VAV2: variants seen among roughly 807,000 people sequenced by gnomAD.
The protein encoded by VAV2 is guanine nucleotide exchange factor VAV2.
VAV2 carries 67 observed loss-of-function variants against 132.5 expected under a neutral mutation model. The ratio of observed to expected loss-of-function variants is 0.51; its 90% CI spans 0.42 to 0.62. The LOEUF (loss-of-function observed/expected upper bound fraction) is 0.62, where lower values mean the gene tolerates loss of function less well. Ranked by LOEUF, VAV2 falls within the 20% of genes least tolerant of loss-of-function variation. The pLI is 0.00. For missense variants in VAV2, 938 were observed against 1,153.6 expected, an observed-to-expected ratio of 0.81 and a Z score of 2.71; for synonymous variants, 492 against 443.5, an observed-to-expected ratio of 1.11 and a Z score of -1.37.
At chr9:133,907,415 T>G (rs1193919345) in intron 2 of VAV2, among the ~76,000 whole-genome samples, 1 of 152,156 alleles carries the variant, frequency 6.6e-6, no homozygotes, top group South Asian at 2.1e-4. Flanking sequence ...TTGTCCCTCA[T>G]ACAAAAGACA....
chr9:133,876,010 C>T (rs914659434), intron 2 of VAV2, among the ~76,000 whole-genome samples: 8 of 152,242 alleles, frequency 5.3e-5, no homozygotes, highest in Admixed American at 3.9e-4. Context: ...CTCCTGCCCT[C>T]GGACATCGAC....
intron 8 of VAV2, 134 bp from the exon 9 acceptor site, chr9:133,806,315 C>A: frequency 1.4e-6 from 1 of 728,610 alleles, no homozygotes; most frequent in Middle Eastern, 3.8e-4. Flanking sequence ...GCCTGCACCC[C>A]ACATCTCTGT....
At chr9:133,971,557 G>A (rs972073359) in intron 1 of VAV2, among the ~76,000 whole-genome samples, 3 of 152,302 alleles carry the variant, frequency 2.0e-5, no homozygotes, top group East Asian at 1.9e-4. Flanking sequence ...CACTGGGGAG[G>A]TGAGTCGTGA....
intron 2 of VAV2, among the ~76,000 whole-genome samples, chr9:133,875,623 AG>A (rs1483338736): frequency 1.3e-5 from 2 of 152,248 alleles, no homozygotes; most frequent in Non-Finnish European, 2.9e-5. Context: ...TGACCCTGCC[AG>A]TCCCTTCAAA....
chr9:133,772,151 C>A, intron 25 of VAV2, 105 bp from the exon 26 acceptor site: 1 of 765,756 alleles, frequency 1.3e-6, no homozygotes, highest in Non-Finnish European at 2.0e-6. Context: ...AGCCCCTCGT[C>A]CCTGGCCCCC....
rs1251057224 is a variant in VAV2, at chr9:133,778,750, C to A, written c.1890+12G>T. ...CCGGGGACCCTCGACCCTCCCGGGC[C>A]CCAGGACCCACCTCCCACCACGGAG... On this transcript the variant is annotated intron_variant, in intron 22 of 29. Coordinates refer to ENST00000371850, the MANE Select transcript of VAV2 (RefSeq NM_001134398.2). 6.2e-7 allele frequency: 1 copy of A among 1,611,914 alleles called. No individual in the cohort carries two copies.
intron 2 of VAV2, among the ~76,000 whole-genome samples, chr9:133,921,003 G>A (rs995854005): frequency 6.6e-6 from 1 of 152,206 alleles, no homozygotes; most frequent in African/African-American, 2.4e-5. Flanking sequence ...CTCATAATTA[G>A]TCTTTGATTA....
chr9:133,806,573 C>A (rs1490894247), intron 8 of VAV2, among the ~76,000 whole-genome samples: 2 of 149,818 alleles, frequency 1.3e-5, no homozygotes, highest in Admixed American at 1.3e-4. Flanking sequence ...TCTGTCTGTG[C>A]TCCTCCATCC....
chr9:133,798,687 A>C (rs1834816140), intron 9 of VAV2, among the ~76,000 whole-genome samples: 1 of 151,944 alleles, frequency 6.6e-6, no homozygotes, highest in Non-Finnish European at 1.5e-5. Context: ...TGTTGGTGAC[A>C]ACAAGGATGA....
chr9:133,935,157 T>C lies in VAV2; in HGVS notation c.321+3946A>G, dbSNP rs1447795609. 7.2e-5 allele frequency among the ~76,000 whole-genome samples: 11 copies of C among 152,240 alleles called. No homozygotes were observed. The highest frequency in any genetic ancestry group is 3.4e-3 in the Middle Eastern group (1 of 294). On this transcript the variant is annotated intron_variant, in intron 2 of 29. Coordinates refer to ENST00000371850, the MANE Select transcript of VAV2 (RefSeq NM_001134398.2). The surrounding 1 kb of genome is among the most constrained non-coding windows in gnomAD (Gnocchi z 5.2). ...AACAGGGGGAGGGCACGCAGCCATA[T>C]CTTCATGGTCTGAGGTTGCTGGAGG...
At chr9:133,827,366 G>A (rs1206725065) in intron 4 of VAV2, among the ~76,000 whole-genome samples, 1 of 41,070 alleles carries the variant, frequency 2.4e-5, no homozygotes, top group Non-Finnish European at 3.8e-5. Context: ...ACCACCTACC[G>A]CTGCGCCCAC....
At chr9:133,830,002 C>T (rs1836202370) in intron 4 of VAV2, among the ~76,000 whole-genome samples, 1 of 152,072 alleles carries the variant, frequency 6.6e-6, no homozygotes, top group African/African-American at 2.4e-5. Flanking sequence ...GTTTAGGAAC[C>T]AGCTGACGAT....
In VAV2 at chr9:133,961,404, T is replaced by C. The variant is rs1841961056; in HGVS notation, c.205-22185A>G. On this transcript the variant is annotated intron_variant, in intron 1 of 29. Coordinates refer to ENST00000371850, the MANE Select transcript of VAV2 (RefSeq NM_001134398.2). The surrounding 1 kb of genome is among the most constrained non-coding windows in gnomAD (Gnocchi z 4.1). The stretch of plus-strand genomic sequence containing the variant: ...ACCCAGAAACTGGTCAGGCTTCTGA[T>C]GGGAACGGAGGTTGGGAACACCAGC... 6.6e-6 allele frequency among the ~76,000 whole-genome samples: 1 copy of C among 152,148 alleles called. No homozygotes were observed. The highest frequency in any genetic ancestry group is 1.5e-5 in the Non-Finnish European group (1 of 68,028).
chr9:133,806,983 T>G (rs751600553), intron 8 of VAV2, among the ~76,000 whole-genome samples: 27 of 152,220 alleles, frequency 1.8e-4, no homozygotes, highest in Non-Finnish European at 2.8e-4. Context: ...TGACAAAAAC[T>G]TCATTTACAT....
intron 3 of VAV2, among the ~76,000 whole-genome samples, chr9:133,856,126 G>GCCTGAGGCTGGGGGCTT (rs1323457021): frequency 1.3e-5 from 2 of 152,236 alleles, no homozygotes; most frequent in Non-Finnish European, 2.9e-5. Flanking sequence ...GCTGGGGGCT[G>GCCTGAGGCTGGGGGCTT]CCTGAGGCTG....
At chr9:133,838,838 G>A (rs1386307848) in intron 3 of VAV2, among the ~76,000 whole-genome samples, 1 of 122,492 alleles carries the variant, frequency 8.2e-6, no homozygotes, top group Admixed American at 7.7e-5. Context: ...TGAGTGGGTT[G>A]GTGGATGGAT....
rs1235972843 is a variant in VAV2, at chr9:133,769,138, A to G, written c.2434+279T>C. Among the ~76,000 whole-genome samples the G allele has an allele frequency of 1.3e-5, 2 of 152,190 alleles. No homozygotes were observed. The highest frequency in any genetic ancestry group is 2.9e-5 in the Non-Finnish European group (2 of 68,016). ...CAAAGCTCTTGATGAACAAGGAGGA[A>G]TGACAGTGGACGGGGCTGGGAAAGT... On this transcript the variant is annotated intron_variant, in intron 28 of 29. Coordinates refer to ENST00000371850, the MANE Select transcript of VAV2 (RefSeq NM_001134398.2). This position sits in a 1 kb window ranked among gnomAD's most constrained non-coding sequence, Gnocchi z 8.1.
chr9:133,805,503 T>C (rs953260486), intron 9 of VAV2, among the ~76,000 whole-genome samples: 6 of 148,710 alleles, frequency 4.0e-5, no homozygotes, highest in Non-Finnish European at 9.0e-5. Flanking sequence ...AGAAACGCCA[T>C]CTCCCCAGCC....
chr9:133,950,390 C>A (rs568851332), intron 1 of VAV2, among the ~76,000 whole-genome samples: 2 of 152,062 alleles, frequency 1.3e-5, no homozygotes, highest in African/African-American at 4.8e-5. Flanking sequence ...CATGCTAGGC[C>A]GCCGCCCAGC....
Sources: allele counts gnomAD v4.1 joint callset (sites outside exome capture counted in the v4.1 genomes callset), GRCh38; gene constraint gnomAD v4.1.1; non-coding constraint Gnocchi (gnomAD v3.1); transcripts MANE v1.5; gene names NCBI Gene and HGNC (gene_info 2026-07-23, HGNC 2026-07-21).